Variants in LRRC4C observed in about 807,000 individuals in gnomAD.
The protein encoded by LRRC4C is leucine-rich repeat-containing protein 4C.
A neutral mutation model predicts 33.6 loss-of-function variants in LRRC4C; 5 were observed. That is an observed-to-expected ratio of 0.15 (90% CI 0.08 to 0.31). The LOEUF is 0.31. LRRC4C is among the 10% of genes least tolerant of loss of function. LRRC4C has a pLI of 1.00. For missense variants in LRRC4C, 560 were observed against 796.7 expected (o/e 0.70, Z 3.58); for synonymous variants, 329 against 302.0 (o/e 1.09, Z -0.93).
At chr11:40,609,974 T>C (rs920876674) in intron 3 of LRRC4C, among the ~76,000 whole-genome samples, 2 of 151,890 alleles carry the variant, frequency 1.3e-5, no homozygotes, top group African/African-American at 2.4e-5. Context: ...TAAAAAATAA[T>C]TAATGCCAAC....
intron 3 of LRRC4C, among the ~76,000 whole-genome samples, chr11:40,497,331 G>A (rs1954516029): frequency 1.3e-5 from 2 of 151,996 alleles, no homozygotes; most frequent in African/African-American, 4.8e-5. Context: ...TTGAATCTGG[G>A]AGGCGGAGGT....
Position 40,948,889 on chromosome 11 carries a change from G to A in LRRC4C, c.-495-15166C>T, listed in dbSNP as rs991932379. On this transcript the variant is annotated intron_variant, in intron 1 of 6. Coordinates refer to ENST00000528697, the MANE Select transcript of LRRC4C (RefSeq NM_001258419.2). ...GTCCTTTGGGTATATACCCAGTAAT[G>A]GGATGGCTGGGTCAAATGGTATTTC... Among the ~76,000 whole-genome samples the A allele has an allele frequency of 7.2e-5, 11 of 152,098 alleles. No individual in the cohort carries two copies. In the South Asian group the frequency reaches 1.7e-3, roughly 23 times the overall value.
intron 1 of LRRC4C, among the ~76,000 whole-genome samples, chr11:41,158,287 G>A (rs1944320052): frequency 6.6e-6 from 1 of 152,046 alleles, no homozygotes; most frequent in African/African-American, 2.4e-5. Flanking sequence ...CTAGTTACAG[G>A]TTACACCACA....
chr11:41,079,982 C>A (rs1301343427), intron 1 of LRRC4C, among the ~76,000 whole-genome samples: 1 of 152,060 alleles, frequency 6.6e-6, no homozygotes, highest in East Asian at 1.9e-4. Flanking sequence ...AAGGTATTAA[C>A]CTGTTTATCA....
At chr11:40,283,693 CTTTTTT>C (rs5791366) in intron 4 of LRRC4C, among the ~76,000 whole-genome samples, 1 of 59,262 alleles carries the variant, frequency 1.7e-5, no homozygotes, top group Non-Finnish European at 2.8e-5. Context: ...GGTCCATATT[CTTTTTT>C]TTTTTTTTTT....
intron 2 of LRRC4C, among the ~76,000 whole-genome samples, chr11:40,772,634 T>A (rs779101602): frequency 6.6e-6 from 1 of 152,066 alleles, no homozygotes; most frequent in Non-Finnish European, 1.5e-5. Flanking sequence ...AAAATGCAAA[T>A]CAAAACTACA....
At chr11:40,669,254 T>C (rs1241431693) in intron 2 of LRRC4C, among the ~76,000 whole-genome samples, 1 of 152,180 alleles carries the variant, frequency 6.6e-6, no homozygotes, top group East Asian at 1.9e-4. Context: ...TAGGAGTTCA[T>C]AAGGCAGCCT....
At chr11:41,073,446 C>G (rs76421851) in intron 1 of LRRC4C, among the ~76,000 whole-genome samples, 3,439 of 152,220 alleles carry the variant, frequency 0.023, 61 homozygotes, top group Middle Eastern at 0.048. Flanking sequence ...ACACCTCTCC[C>G]CAGGCCCCAC....
At chr11:40,217,207 T>C (rs954592017) in intron 5 of LRRC4C, among the ~76,000 whole-genome samples, 9 of 152,130 alleles carry the variant, frequency 5.9e-5, no homozygotes, top group African/African-American at 2.2e-4. Context: ...CTAAGCATTG[T>C]TCTGTGTGTT....
intron 1 of LRRC4C, among the ~76,000 whole-genome samples, chr11:41,238,424 G>A (rs953074846): frequency 5.3e-5 from 8 of 152,018 alleles, no homozygotes; most frequent in Non-Finnish European, 8.8e-5. Flanking sequence ...AACTTCACAA[G>A]AACTGTGAGA....
chr11:40,288,187 C>A (rs1943971192), intron 4 of LRRC4C, among the ~76,000 whole-genome samples: 2 of 152,100 alleles, frequency 1.3e-5, no homozygotes, highest in Admixed American at 6.6e-5. Context: ...CAGTGGGAAG[C>A]TGAGTATTTG....
At chr11:41,151,041 C>G (rs1247251514) in intron 1 of LRRC4C, among the ~76,000 whole-genome samples, 1 of 152,028 alleles carries the variant, frequency 6.6e-6, no homozygotes, top group Non-Finnish European at 1.5e-5. Flanking sequence ...CAGACACACA[C>G]ACACACAGCA....
chr11:41,392,379 C>T (rs1038480554), intron 1 of LRRC4C, among the ~76,000 whole-genome samples: 3 of 151,800 alleles, frequency 2.0e-5, no homozygotes, highest in African/African-American at 7.3e-5. Flanking sequence ...CAGAGCTGAT[C>T]TTCCACTGGG....
intron 2 of LRRC4C, among the ~76,000 whole-genome samples, chr11:40,803,144 T>C (rs1951106366): frequency 6.6e-6 from 1 of 152,222 alleles, no homozygotes; most frequent in African/African-American, 2.4e-5. Context: ...TAATATTTGC[T>C]ATGTGACAGG....
intron 2 of LRRC4C, among the ~76,000 whole-genome samples, chr11:40,883,406 A>C (rs2136042192): frequency 6.6e-6 from 1 of 152,244 alleles, no homozygotes; most frequent in South Asian, 2.1e-4. Context: ...AAGGGGATAT[A>C]AACTGAACTC....
intron 5 of LRRC4C, among the ~76,000 whole-genome samples, chr11:40,150,288 G>T (rs1858082981): frequency 6.6e-6 from 1 of 152,146 alleles, no homozygotes; most frequent in South Asian, 2.1e-4. Flanking sequence ...TCCAAATAAG[G>T]TCACATCTGG....
At chr11:41,035,655 A>C (rs1278726881) in intron 1 of LRRC4C, among the ~76,000 whole-genome samples, 2 of 152,144 alleles carry the variant, frequency 1.3e-5, no homozygotes, top group African/African-American at 4.8e-5. Flanking sequence ...ACACATATAT[A>C]GACCAATTAT....
intron 1 of LRRC4C, among the ~76,000 whole-genome samples, chr11:41,324,417 T>G (rs1951046617): frequency 6.6e-6 from 1 of 152,008 alleles, no homozygotes; most frequent in African/African-American, 2.4e-5. Flanking sequence ...GCAACAAGAG[T>G]GAAACTCCCT....
intron 5 of LRRC4C, among the ~76,000 whole-genome samples, chr11:40,238,289 T>C (rs1042738062): frequency 6.6e-6 from 1 of 152,184 alleles, no homozygotes; most frequent in East Asian, 1.9e-4. Context: ...TTTCCTGACA[T>C]GTTCTTAAAT....
Sources: allele counts gnomAD v4.1 joint callset (sites outside exome capture counted in the v4.1 genomes callset), GRCh38; gene constraint gnomAD v4.1.1; transcripts MANE v1.5; gene names NCBI Gene and HGNC (gene_info 2026-07-23, HGNC 2026-07-21).